Variants in PLCB1 observed in about 807,000 individuals in gnomAD.
The protein encoded by PLCB1 is 1-phosphatidylinositol 4,5-bisphosphate phosphodiesterase beta-1.
PLCB1 carries 46 observed loss-of-function variants against 161.8 expected under a neutral mutation model. The observed-to-expected ratio is 0.28, with a 90% CI of 0.22 to 0.36. PLCB1 has a LOEUF of 0.36. PLCB1 is among the 10% of genes least tolerant of loss of function. PLCB1 has a pLI of 1.00. For missense variants in PLCB1, 1,016 were observed against 1,472.5 expected (o/e 0.69, Z 5.07); for synonymous variants, 517 against 503.7 (o/e 1.03, Z -0.35).
chr20:8,523,490 CTCTCT>C lies in PLCB1; in HGVS notation c.247-104803_247-104799del, dbSNP rs1418815616. Reference sequence around the variant, plus strand: ...GCTCTCTCTCTCTCTCTCTCTCTCTCTCTCTCTATATATATATATATATATATATA... The same window carrying C: ...GCTCTCTCTCTCTCTCTCTCTCTCTCCTATATATATATATATATATATATA... On this transcript the variant is annotated intron_variant, in intron 3 of 31. Coordinates refer to ENST00000338037, the MANE Select transcript of PLCB1 (RefSeq NM_015192.4). 3.3e-3 allele frequency among the ~76,000 whole-genome samples: 223 copies of C among 67,634 alleles called. 45 individuals carry two copies. The highest frequency in any genetic ancestry group is 5.0e-3 in the African/African-American group (77 of 15,436). The allele number at this position is 67,634 out of a possible 152,430, so 44.4% of individuals were successfully genotyped here.
At chr20:8,824,084 C>T (rs903479795) in intron 31 of PLCB1, among the ~76,000 whole-genome samples, 1 of 151,986 alleles carries the variant, frequency 6.6e-6, no homozygotes, top group African/African-American at 2.4e-5. Context: ...TTCAGACTGT[C>T]CATGCTACAT....
chr20:8,323,960 A>C (rs1004282004), intron 2 of PLCB1, among the ~76,000 whole-genome samples: 1 of 152,154 alleles, frequency 6.6e-6, no homozygotes, highest in African/African-American at 2.4e-5. Flanking sequence ...TTTAAAATAT[A>C]CTTATCTAGA....
chr20:8,685,162 G>C (rs1990328807), intron 10 of PLCB1, 84 bp downstream of exon 10: 22 of 1,345,380 alleles, frequency 1.6e-5, no homozygotes, highest in Non-Finnish European at 2.2e-5. Flanking sequence ...GGAAGCTGAA[G>C]TGTGTTTTCT....
At chr20:8,580,346 A>G (rs74949129) in intron 3 of PLCB1, among the ~76,000 whole-genome samples, 1,917 of 152,348 alleles carry the variant, frequency 0.013, 22 homozygotes, top group Non-Finnish European at 0.02. Context: ...ACTTAAAGTC[A>G]TGTAGTTACG....
intron 3 of PLCB1, among the ~76,000 whole-genome samples, chr20:8,429,883 G>A (rs1979960187): frequency 6.6e-6 from 1 of 151,908 alleles, no homozygotes; most frequent in Non-Finnish European, 1.5e-5. Context: ...AACTCTCAGG[G>A]GCTTTAACAG....
Position 8,774,551 on chromosome 20 carries a change from C to A in PLCB1, c.2943C>A (p.Ser981Arg). 1.2e-6 allele frequency: 2 copies of A among 1,610,946 alleles called. No homozygotes were observed. Among genetic ancestry groups the A allele is most frequent in the Non-Finnish European group, 1.7e-6 (2 of 1,177,748 alleles). Residue 981 changes from serine (S) to arginine (R), a missense_variant, in exon 27 of 32, where the codon AGC (serine) becomes AGA (arginine). Physicochemically the swap from Ser to Arg is moderately radical, Grantham distance 110. Coordinates refer to ENST00000338037, the MANE Select transcript of PLCB1 (RefSeq NM_015192.4). ...KKDSKKKSEP[S>R]SPDHGSSTIE... ...TGTGTCTTTGCAGATCGGAACCCAG[C>A]AGCCCTGATCATGGTTCATCAACGA...
intron 3 of PLCB1, among the ~76,000 whole-genome samples, chr20:8,468,276 G>A (rs987116944): frequency 6.6e-6 from 1 of 152,050 alleles, no homozygotes; most frequent in Non-Finnish European, 1.5e-5. Context: ...TCATAAAGTT[G>A]TACATTTAAT....
At chr20:8,544,355 A>G (rs919260962) in intron 3 of PLCB1, among the ~76,000 whole-genome samples, 5 of 152,204 alleles carry the variant, frequency 3.3e-5, no homozygotes, top group Admixed American at 1.3e-4. Flanking sequence ...ACAGTGGAGA[A>G]TTCAAAGTGA....
chr20:8,245,791 C>T (rs1980849031), intron 2 of PLCB1, among the ~76,000 whole-genome samples: 1 of 151,880 alleles, frequency 6.6e-6, no homozygotes, highest in Non-Finnish European at 1.5e-5. Context: ...TTAGTACTTG[C>T]TGTAGGTGAG....
intron 3 of PLCB1, among the ~76,000 whole-genome samples, chr20:8,609,127 C>T (rs1032336434): frequency 1.3e-5 from 2 of 152,144 alleles, no homozygotes; most frequent in Non-Finnish European, 2.9e-5. Context: ...ATGCAGTAGG[C>T]ATGTCAACAG....
intron 3 of PLCB1, among the ~76,000 whole-genome samples, chr20:8,465,232 A>G (rs549305518): frequency 3.3e-5 from 5 of 152,226 alleles, no homozygotes; most frequent in African/African-American, 1.2e-4. Flanking sequence ...GTTTGCTTCA[A>G]GTAGCTGTCC....
In PLCB1 at chr20:8,790,371, C is replaced by G. The variant is rs532740765; in HGVS notation, c.3423+110C>G. The G allele has an allele frequency of 1.8e-5, 13 of 726,198 alleles. 1 individual carries two copies. The South Asian group carries it at 2.4e-4, about 13-fold the overall frequency. The allele number at this position is 726,198 out of a possible 1,614,324, so 45.0% of individuals were successfully genotyped here. ...CCTTGTACACAGTCTCAGATCAGTT[C>G]TTGCATATGAAACTCATGTATCTTT... On this transcript the variant is annotated intron_variant, in intron 31 of 31. Transcript: ENST00000338037.
At chr20:8,167,180 CA>C (rs1243132555) in intron 2 of PLCB1, among the ~76,000 whole-genome samples, 1 of 152,144 alleles carries the variant, frequency 6.6e-6, no homozygotes, top group East Asian at 1.9e-4. Context: ...AAGCTTTCCC[CA>C]GCTCACCCCC....
intron 2 of PLCB1, among the ~76,000 whole-genome samples, chr20:8,222,159 A>G (rs1301950830): frequency 6.6e-6 from 1 of 152,144 alleles, no homozygotes; most frequent in African/African-American, 2.4e-5. Context: ...ATGGAAAATC[A>G]TCTTTAAAAA....
chr20:8,728,930 A>T, intron 17 of PLCB1, 120 bp from the exon 18 acceptor site: 1 of 581,096 alleles, frequency 1.7e-6, no homozygotes, highest in Non-Finnish European at 2.7e-6. Context: ...AAGTAGCCCA[A>T]CGAGATCATC....
At chr20:8,301,546 C>A (rs1983913614) in intron 2 of PLCB1, among the ~76,000 whole-genome samples, 1 of 152,138 alleles carries the variant, frequency 6.6e-6, no homozygotes, top group African/African-American at 2.4e-5. Flanking sequence ...TCCACCATGA[C>A]CCGCCATTCC....
At chr20:8,604,955 T>A (rs1987710858) in intron 3 of PLCB1, among the ~76,000 whole-genome samples, 1 of 152,150 alleles carries the variant, frequency 6.6e-6, no homozygotes, top group Admixed American at 6.5e-5. Flanking sequence ...TAAGTAAATT[T>A]ATTTTTTAAA....
chr20:8,399,345 T>C (rs73897434), intron 3 of PLCB1, among the ~76,000 whole-genome samples: 2,776 of 152,284 alleles, frequency 0.018, 95 homozygotes, highest in African/African-American at 0.064. Context: ...TATTTAAAAG[T>C]CTATCTTTTG....
At chr20:8,269,164 C>T (rs6133563) in intron 2 of PLCB1, among the ~76,000 whole-genome samples, 11,367 of 152,012 alleles carry the variant, frequency 0.075, 536 homozygotes, top group East Asian at 0.19. Flanking sequence ...ATACACGTGC[C>T]ATGGTGGTTT....
Sources: allele counts gnomAD v4.1 joint callset (sites outside exome capture counted in the v4.1 genomes callset), GRCh38; gene constraint gnomAD v4.1.1; transcripts MANE v1.5; gene names NCBI Gene and HGNC (gene_info 2026-07-23, HGNC 2026-07-21).